FSTL5: variants seen among roughly 807,000 people sequenced by gnomAD.
The protein encoded by FSTL5 is follistatin like 5.
Under a neutral mutation model 89.1 loss-of-function variants are expected in FSTL5, and 62 were observed. That is an observed-to-expected ratio of 0.70 (90% CI 0.57 to 0.86). The LOEUF is 0.86. Ranked by LOEUF, FSTL5 falls within the 40% of genes least tolerant of loss-of-function variation. FSTL5 has a pLI of 0.00. For missense variants in FSTL5, 1,057 were observed against 1,001.6 expected (o/e 1.06, Z -0.75); for synonymous variants, 383 against 346.2 (o/e 1.11, Z -1.18).
At chr4:161,495,643 T>C (rs75788718) in intron 12 of FSTL5, among the ~76,000 whole-genome samples, 10,440 of 152,170 alleles carry the variant, frequency 0.069, 1,152 homozygotes, top group African/African-American at 0.23. Context: ...AGTTTTTATT[T>C]ACAGCAAGCA....
chr4:161,472,055 C>T (rs1276256792), intron 13 of FSTL5, among the ~76,000 whole-genome samples: 1 of 151,148 alleles, frequency 6.6e-6, no homozygotes, highest in African/African-American at 2.4e-5. Context: ...TGGCTCACCA[C>T]AAGCTCCACC....
chr4:162,009,572 C>A (rs1322415246), intron 3 of FSTL5, among the ~76,000 whole-genome samples: 1 of 152,048 alleles, frequency 6.6e-6, no homozygotes, highest in East Asian at 1.9e-4. Context: ...CCTCTGATTG[C>A]CCTTTAAATT....
At chr4:161,656,547 A>G (rs1736526041) in intron 6 of FSTL5, 53 bp from the exon 7 acceptor site, 2 of 1,169,940 alleles carry the variant, frequency 1.7e-6, no homozygotes, top group African/African-American at 3.2e-5. Flanking sequence ...TTGTAAGGCT[A>G]ATAGTATAAA....
At chr4:161,660,582 C>T (rs1461139790) in intron 6 of FSTL5, among the ~76,000 whole-genome samples, 1 of 152,034 alleles carries the variant, frequency 6.6e-6, no homozygotes, top group African/African-American at 2.4e-5. Context: ...GGTATTAAGC[C>T]TAGTACCCAT....
At chr4:161,977,351 G>A (rs1276280819) in intron 3 of FSTL5, among the ~76,000 whole-genome samples, 1 of 151,586 alleles carries the variant, frequency 6.6e-6, no homozygotes, top group Non-Finnish European at 1.5e-5. Context: ...AGTGGCTCAC[G>A]CCTGTAATCC....
intron 8 of FSTL5, among the ~76,000 whole-genome samples, chr4:161,558,075 A>C (rs932396653): frequency 6.6e-6 from 1 of 151,948 alleles, no homozygotes; most frequent in African/African-American, 2.4e-5. Context: ...AACTGTGGAT[A>C]TTTGCAACAA....
At chr4:161,988,299 CTTTG>C (rs1039684748) in intron 3 of FSTL5, among the ~76,000 whole-genome samples, 17 of 152,024 alleles carry the variant, frequency 1.1e-4, no homozygotes, top group Non-Finnish European at 2.5e-4. Flanking sequence ...ATGAAAGCAT[CTTTG>C]TTTGTATGTA....
chr4:161,488,517 A>G lies in FSTL5; in HGVS notation c.1459-7348T>C, dbSNP rs187642069. Among the ~76,000 whole-genome samples, 3 of 152,156 alleles carry G rather than the reference A, an allele frequency of 2.0e-5. No individual in the cohort carries two copies. In the East Asian group the frequency reaches 5.8e-4, roughly 29 times the overall value. On this transcript the variant is annotated intron_variant, in intron 12 of 15. Transcript: ENST00000306100. ...TATAAATAGTGTATTAGAGAGGTTA[A>G]AAAAAACAGGCTTTGAGGACAAAGA...
chr4:161,793,856 G>T (rs143712732), intron 4 of FSTL5, among the ~76,000 whole-genome samples: 15 of 152,194 alleles, frequency 9.9e-5, no homozygotes, highest in African/African-American at 3.4e-4. Flanking sequence ...TGACCCTCCT[G>T]CCTCGGCTTC....
chr4:161,401,151 A>T (rs1578945197), intron 15 of FSTL5, among the ~76,000 whole-genome samples: 1 of 152,318 alleles, frequency 6.6e-6, no homozygotes, highest in East Asian at 1.9e-4. Context: ...AAGCATACAA[A>T]ATACAGAGGT....
chr4:161,424,357 G>A (rs2126321998), intron 15 of FSTL5, among the ~76,000 whole-genome samples: 1 of 150,552 alleles, frequency 6.6e-6, no homozygotes, highest in East Asian at 1.9e-4. Context: ...TTACTGTTTA[G>A]TGGGAACATA....
At chr4:161,528,762 TG>T (rs1731316298) in intron 10 of FSTL5, among the ~76,000 whole-genome samples, 1 of 143,436 alleles carries the variant, frequency 7.0e-6, no homozygotes, top group Non-Finnish European at 1.5e-5. Flanking sequence ...CACAGTTATT[TG>T]GTAAAGGATT....
At chr4:161,406,191 A>C (rs1382868203) in intron 15 of FSTL5, among the ~76,000 whole-genome samples, 2 of 152,094 alleles carry the variant, frequency 1.3e-5, no homozygotes, top group African/African-American at 4.8e-5. Context: ...AGTCAATGTT[A>C]TTGTGTTTTA....
intron 4 of FSTL5, among the ~76,000 whole-genome samples, chr4:161,830,422 T>A (rs988045702): frequency 6.6e-6 from 1 of 152,050 alleles, no homozygotes; most frequent in Non-Finnish European, 1.5e-5. Context: ...TTTAAGTTGA[T>A]CAAACTTGCA....
intron 1 of FSTL5, among the ~76,000 whole-genome samples, chr4:162,133,661 T>C (rs1273805047): frequency 1.3e-5 from 2 of 152,156 alleles, no homozygotes; most frequent in Admixed American, 6.5e-5. Context: ...ACTCTTGATA[T>C]ATATTTAATA....
intron 8 of FSTL5, among the ~76,000 whole-genome samples, chr4:161,573,850 T>C (rs974480628): frequency 6.6e-6 from 1 of 151,808 alleles, no homozygotes; most frequent in Admixed American, 6.6e-5. Flanking sequence ...ACCACAAATT[T>C]AGTGGCTTAA....
At chr4:161,847,111 A>G (rs1579137691) in intron 4 of FSTL5, among the ~76,000 whole-genome samples, 1 of 152,178 alleles carries the variant, frequency 6.6e-6, no homozygotes, top group East Asian at 1.9e-4. Flanking sequence ...ATGTCAGAAT[A>G]GTTATATTAC....
intron 7 of FSTL5, among the ~76,000 whole-genome samples, chr4:161,622,789 C>G (rs1464779370): frequency 6.6e-6 from 1 of 151,950 alleles, no homozygotes; most frequent in Non-Finnish European, 1.5e-5. Flanking sequence ...ATTTAAGAAT[C>G]AATTCCAGGT....
intron 6 of FSTL5, among the ~76,000 whole-genome samples, chr4:161,736,300 C>T (rs951696687): frequency 8.1e-5 from 10 of 122,788 alleles, no homozygotes; most frequent in African/African-American, 2.5e-4. Flanking sequence ...AATAAAAACA[C>T]ACATTATTAA....
Sources: gnomAD v4.1 joint callset for allele counts (sites outside exome capture counted in the v4.1 genomes callset) on GRCh38, gnomAD v4.1.1 for gene constraint, MANE v1.5 for transcripts, NCBI Gene and HGNC (gene_info 2026-07-23, HGNC 2026-07-21) for gene names.